The following BCAS3 variants were observed in gnomAD, a reference collection of about 807,000 sequenced individuals.
BCAS3 encodes BCAS4/BCAS3 fusion.
In BCAS3, 53 loss-of-function variants were observed where a neutral mutation model predicts 116.1. The observed-to-expected ratio is 0.46, with a 90% CI of 0.37 to 0.57. The LOEUF (loss-of-function observed/expected upper bound fraction) is 0.57, where lower values mean the gene tolerates loss of function less well. Ranked by LOEUF, BCAS3 falls within the 20% of genes least tolerant of loss-of-function variation. The pLI is 0.00. For synonymous variants in BCAS3, 391 were observed against 408.2 expected, an observed-to-expected ratio of 0.96 and a Z score of 0.51; for missense variants, 917 against 1,165.4, an observed-to-expected ratio of 0.79 and a Z score of 3.10.
intron 22 of BCAS3, among the ~76,000 whole-genome samples, chr17:61,137,283 AT>A (rs1457835052): frequency 1.3e-5 from 2 of 152,246 alleles, no homozygotes; most frequent in African/African-American, 2.4e-5. Flanking sequence ...CAAGGGATAC[AT>A]GACTCGGCTT....
intron 14 of BCAS3, among the ~76,000 whole-genome samples, chr17:60,982,255 C>T (rs1169514531): frequency 6.6e-6 from 1 of 151,982 alleles, no homozygotes; most frequent in Non-Finnish European, 1.5e-5. Flanking sequence ...TATCTGCTTG[C>T]TATTGAATGT....
Position 61,082,425 on chromosome 17 carries a change from C to G in BCAS3, c.2328-2042C>G, listed in dbSNP as rs1385707872. The stretch of plus-strand genomic sequence containing the variant: ...AATAAAAAGAAAAATAGCATAAACC[C>G]CCATATATCTGTTGTCCAGCTTCAG... On this transcript the variant is annotated intron_variant, in intron 21 of 23. Transcript: ENST00000407086. The surrounding 1 kb of genome is among the most constrained non-coding windows in gnomAD (Gnocchi z 5.1). Among the ~76,000 whole-genome samples, 1 of 151,962 alleles carries G rather than the reference C, an allele frequency of 6.6e-6. No homozygotes were observed. Among genetic ancestry groups the G allele is most frequent in the African/African-American group, 2.4e-5 (1 of 41,336 alleles).
At chr17:60,760,497 GT>G (rs59832943) in intron 6 of BCAS3, among the ~76,000 whole-genome samples, 25,250 of 127,332 alleles carry the variant, frequency 0.2, 3,460 homozygotes, top group African/African-American at 0.55. Flanking sequence ...AGGTTTTTTT[GT>G]TTTTTTTTTT....
rs2077170119 is a variant in BCAS3 at position 61,145,823 on chromosome 17, T to G, written c.2425+61259T>G. 2.6e-5 allele frequency among the ~76,000 whole-genome samples: 4 copies of G among 151,830 alleles called. No individual in the cohort carries two copies. Among genetic ancestry groups the G allele is most frequent in the Admixed American group, 2.6e-4 (4 of 15,210 alleles). On this transcript the variant is annotated intron_variant, in intron 22 of 23. Coordinates refer to ENST00000407086, the MANE Select transcript of BCAS3 (RefSeq NM_017679.5). This position sits in a 1 kb window ranked among gnomAD's most constrained non-coding sequence, Gnocchi z 5.0. ...TTAACAAGCGTGGACAGAGGAAGTT[T>G]TAGGTTTGATTTGAACTTCATGTAC...
chr17:61,038,062 C>T lies in BCAS3; in HGVS notation c.1928+8C>T. ...CAGCTGGACTCTGGTTAGGTAGTAC[C>T]TCTTTTCTTTTTTTCTTTTTAACAG... On this transcript the variant is annotated splice_region_variant and intron_variant, in intron 18 of 23. Transcript: ENST00000407086. The T allele has an allele frequency of 6.2e-7, 1 of 1,605,036 alleles. No homozygotes were observed.
chr17:61,353,956 G>A (rs1480802698), intron 22 of BCAS3: 2 of 152,322 alleles, frequency 1.3e-5, no homozygotes, highest in African/African-American at 4.8e-5. Flanking sequence ...TGCAAGACTA[G>A]GACATGAGGC....
rs1296644578 is a variant in BCAS3, at chr17:61,139,891, G to A, written c.2425+55327G>A. Among the ~76,000 whole-genome samples the A allele has an allele frequency of 3.9e-5, 6 of 152,108 alleles. No homozygotes were observed. The highest frequency in any genetic ancestry group is 7.3e-5 in the Non-Finnish European group (5 of 68,028). On this transcript the variant is annotated intron_variant, in intron 22 of 23. Transcript: ENST00000407086. This position sits in a 1 kb window ranked among gnomAD's most constrained non-coding sequence, Gnocchi z 4.7. Reference sequence around the variant, plus strand: ...GTTTGAGCTAGAATTTGAGGAATACGTGGAATTTTGGCAGGAGAAGATTGA... The same window carrying A: ...GTTTGAGCTAGAATTTGAGGAATACATGGAATTTTGGCAGGAGAAGATTGA...
At chr17:61,360,067 C>T (rs1369575846) in intron 22 of BCAS3, among the ~76,000 whole-genome samples, 1 of 148,658 alleles carries the variant, frequency 6.7e-6, no homozygotes, top group Admixed American at 6.8e-5. Flanking sequence ...AGTGCAGTGG[C>T]GCAGCCTCGG....
chr17:61,074,572 A>G (rs2071769509), intron 19 of BCAS3, among the ~76,000 whole-genome samples: 1 of 152,214 alleles, frequency 6.6e-6, no homozygotes, highest in Non-Finnish European at 1.5e-5. Flanking sequence ...CCTAGCATTT[A>G]TATGAAGCTA....
intron 18 of BCAS3, 29 bp from the exon 19 acceptor site, chr17:61,040,763 A>G (rs1193196623): frequency 1.9e-6 from 3 of 1,562,624 alleles, no homozygotes; most frequent in African/African-American, 2.7e-5. Flanking sequence ...TTAAGCTTAA[A>G]TATTAATATT....
At chr17:61,247,256 TCA>T (rs1405902860) in intron 22 of BCAS3, among the ~76,000 whole-genome samples, 1 of 152,214 alleles carries the variant, frequency 6.6e-6, no homozygotes, top group African/African-American at 2.4e-5. Context: ...AGTATAATTT[TCA>T]CATTTTTCTT....
intron 14 of BCAS3, among the ~76,000 whole-genome samples, chr17:60,974,999 G>GTTT (rs577462434): frequency 1.5e-5 from 2 of 132,014 alleles, no homozygotes; most frequent in Non-Finnish European, 3.1e-5. Context: ...TTGCTTTTTT[G>GTTT]TTTTTTTTTT....
intron 7 of BCAS3, among the ~76,000 whole-genome samples, chr17:60,812,052 C>CA (rs375054739): frequency 0.1 from 11,825 of 118,524 alleles, 1,256 homozygotes; most frequent in African/African-American, 0.28. Context: ...GACCCAGTCT[C>CA]AAAAAAAAAA....
At chr17:60,768,624 T>A (rs2044349557) in intron 6 of BCAS3, among the ~76,000 whole-genome samples, 1 of 152,210 alleles carries the variant, frequency 6.6e-6, no homozygotes, top group African/African-American at 2.4e-5. Flanking sequence ...CTATCTCCTA[T>A]TCTGTTCCTC....
intron 15 of BCAS3, among the ~76,000 whole-genome samples, chr17:61,009,283 T>C (rs1600434131): frequency 6.6e-6 from 1 of 152,060 alleles, no homozygotes; most frequent in African/African-American, 2.4e-5. Context: ...AATACTCTAA[T>C]ACTATACTTA....
At position 61,087,138 on chromosome 17, in the gene BCAS3, A is replaced by C; in HGVS notation, c.2425+2574A>C. ...TAATAAATTTTTATAATTGCTCTTG[A>C]ACCGGGAAGTGCACCTCTGATTATG... On this transcript the variant is annotated intron_variant, in intron 22 of 23. Transcript: ENST00000407086. The surrounding 1 kb of genome is among the most constrained non-coding windows in gnomAD (Gnocchi z 4.6). 3.0e-6 allele frequency: 3 copies of C among 985,370 alleles called. No homozygotes were observed. Among genetic ancestry groups the C allele is most frequent in the Non-Finnish European group, 3.6e-6 (3 of 829,878 alleles). 61.0% of individuals were successfully genotyped at this position (985,370 alleles called of 1,614,324 possible).
Position 60,863,930 on chromosome 17 carries a change from C to T in BCAS3, c.477-4646C>T, listed in dbSNP as rs560712429. Reference sequence around the variant, plus strand: ...GATGGAGAGTCCTGGTTACCCCTTACGGGGCTCTTTCCTGTTCAGCGTCAT... The same window carrying T: ...GATGGAGAGTCCTGGTTACCCCTTATGGGGCTCTTTCCTGTTCAGCGTCAT... On this transcript the variant is annotated intron_variant, in intron 7 of 23. Coordinates refer to ENST00000407086, the MANE Select transcript of BCAS3 (RefSeq NM_017679.5). 5.3e-5 allele frequency among the ~76,000 whole-genome samples: 8 copies of T among 152,182 alleles called. No individual in the cohort carries two copies. The South Asian group carries it at 6.2e-4, about 12-fold the overall frequency.
chr17:60,737,752 T>G (rs114078806), intron 5 of BCAS3, among the ~76,000 whole-genome samples: 4,823 of 151,896 alleles, frequency 0.032, 239 homozygotes, highest in African/African-American at 0.1. Flanking sequence ...TGTGGTCATT[T>G]AATGATTTCT....
At chr17:60,905,093 A>G (rs2058118135) in intron 11 of BCAS3, among the ~76,000 whole-genome samples, 1 of 152,206 alleles carries the variant, frequency 6.6e-6, no homozygotes, top group Non-Finnish European at 1.5e-5. Context: ...ATATTTGCAG[A>G]AAAACAGCAT....
Sources: gnomAD v4.1 joint callset for allele counts (sites outside exome capture counted in the v4.1 genomes callset) on GRCh38, gnomAD v4.1.1 for gene constraint, Gnocchi (gnomAD v3.1) non-coding constraint, MANE v1.5 for transcripts, NCBI Gene and HGNC (gene_info 2026-07-23, HGNC 2026-07-21) for gene names.